The following GOLM2 variants were observed in gnomAD, a reference collection of about 807,000 sequenced individuals.
GOLM2 encodes protein GOLM2.
A neutral mutation model predicts 55.9 loss-of-function variants in GOLM2; 26 were observed. That is an observed-to-expected ratio of 0.47 (90% CI 0.34 to 0.65). The LOEUF (loss-of-function observed/expected upper bound fraction) is 0.65, where lower values mean the gene tolerates loss of function less well. GOLM2 is among the 30% of genes least tolerant of loss of function. The pLI is 0.01. For synonymous variants in GOLM2, 165 were observed against 194.6 expected (o/e 0.85, Z 1.27); for missense variants, 486 against 531.8 (o/e 0.91, Z 0.85).
At chr15:44,361,700 G>C (rs1333081305) in intron 6 of GOLM2, among the ~76,000 whole-genome samples, 1 of 152,078 alleles carries the variant, frequency 6.6e-6, no homozygotes, top group Non-Finnish European at 1.5e-5. Flanking sequence ...ATTTTATGAG[G>C]CCAGCATCAT....
At chr15:44,368,340 C>T (rs995112543) in intron 6 of GOLM2, among the ~76,000 whole-genome samples, 7 of 141,160 alleles carry the variant, frequency 5.0e-5, no homozygotes, top group African/African-American at 1.1e-4. Context: ...TTATTAGAGA[C>T]GGGGTTTCAC....
intron 2 of GOLM2, among the ~76,000 whole-genome samples, chr15:44,324,774 G>GC (rs2141132792): frequency 6.6e-6 from 1 of 151,222 alleles, no homozygotes; most frequent in East Asian, 1.9e-4. Context: ...TTTAAAGCTG[G>GC]CCCCAGGCAA....
intron 1 of GOLM2, among the ~76,000 whole-genome samples, chr15:44,297,467 G>A (rs1345989583): frequency 6.6e-6 from 1 of 151,728 alleles, no homozygotes; most frequent in African/African-American, 2.4e-5. Context: ...GCCTTTCTGT[G>A]TCATGTTAAT....
At chr15:44,303,519 A>T (rs1212197239) in intron 1 of GOLM2, among the ~76,000 whole-genome samples, 5 of 152,132 alleles carry the variant, frequency 3.3e-5, no homozygotes, top group African/African-American at 1.2e-4. Context: ...GATTAGCTTC[A>T]TGGGGATATA....
intron 8 of GOLM2, among the ~76,000 whole-genome samples, chr15:44,385,723 T>A (rs2079439831): frequency 6.6e-6 from 1 of 151,962 alleles, no homozygotes; most frequent in South Asian, 2.1e-4. Context: ...GTGTATGTAT[T>A]TATTTTTTAG....
At chr15:44,353,916 C>T (rs2079181059) in intron 6 of GOLM2, among the ~76,000 whole-genome samples, 1 of 152,084 alleles carries the variant, frequency 6.6e-6, no homozygotes. Context: ...TGTTTTTAAA[C>T]ACCTGAAAGA....
chr15:44,364,599 G>T (rs1325545436), intron 6 of GOLM2, among the ~76,000 whole-genome samples: 1 of 151,976 alleles, frequency 6.6e-6, no homozygotes, highest in African/African-American at 2.4e-5. Context: ...GAATGCTGAG[G>T]TGGTAGGATT....
intron 1 of GOLM2, among the ~76,000 whole-genome samples, chr15:44,300,202 G>C (rs1401567983): frequency 1.3e-5 from 2 of 149,534 alleles, no homozygotes; most frequent in Non-Finnish European, 3.0e-5. Flanking sequence ...GAGGGAAGGA[G>C]AGAAAGAGGA....
rs1165218990 is a variant in GOLM2 at position 44,326,571 on chromosome 15, C to CT, written c.383-2105dup. 5.9e-4 allele frequency among the ~76,000 whole-genome samples: 87 copies of CT among 148,106 alleles called. 1 individual carries two copies. Among genetic ancestry groups the CT allele is most frequent in the East Asian group, 3.0e-3 (15 of 5,070 alleles). The stretch of plus-strand genomic sequence containing the variant: ...CACTTTGATATATTTTTATTCTAGT[C>CT]TTTTTTTTTGCATGGATGCAATTAT... On this transcript the variant is annotated intron_variant, in intron 2 of 9. Transcript: ENST00000299957.
chr15:44,396,124 G>A (rs1311314387), intron 8 of GOLM2, among the ~76,000 whole-genome samples: 1 of 152,162 alleles, frequency 6.6e-6, no homozygotes, highest in African/African-American at 2.4e-5. Flanking sequence ...GGAGGCCGAG[G>A]TGGGCAGATC....
chr15:44,330,555 T>C (rs1319964761), intron 3 of GOLM2, among the ~76,000 whole-genome samples: 3 of 141,366 alleles, frequency 2.1e-5, no homozygotes, highest in Admixed American at 7.1e-5. Context: ...GCTATAAAAA[T>C]GTCTATGCAA....
intron 8 of GOLM2, among the ~76,000 whole-genome samples, chr15:44,392,353 A>G (rs1186921566): frequency 6.6e-6 from 1 of 151,960 alleles, no homozygotes; most frequent in African/African-American, 2.4e-5. Flanking sequence ...CCAGGCACGT[A>G]GCTCACGCCT....
At chr15:44,311,771 T>C (rs1005661467) in intron 1 of GOLM2, among the ~76,000 whole-genome samples, 2 of 152,060 alleles carry the variant, frequency 1.3e-5, no homozygotes, top group African/African-American at 2.4e-5. Flanking sequence ...TGCCTCAGCC[T>C]CCCAAGTAGC....
chr15:44,405,551 G>A (rs1289864824), intron 9 of GOLM2: 3 of 151,934 alleles, frequency 2.0e-5, no homozygotes, highest in Non-Finnish European at 4.4e-5. Context: ...TTTTAATTGA[G>A]ACAGAGTCTT....
chr15:44,411,176 C>T lies in GOLM2; in HGVS notation c.1241-2160C>T, dbSNP rs1002988382. ...AGCTGGGACTACAGGTACACACAACCATGCCTGGCTAAATTTTGTATTTTT... is the reference window on the plus strand; with the variant it reads ...AGCTGGGACTACAGGTACACACAACTATGCCTGGCTAAATTTTGTATTTTT... On this transcript the variant is annotated intron_variant, in intron 9 of 9. Coordinates refer to ENST00000299957, the MANE Select transcript of GOLM2 (RefSeq NM_138423.4). Among the ~76,000 whole-genome samples the T allele has an allele frequency of 4.6e-5, 7 of 151,764 alleles. No individual in the cohort carries two copies. In the East Asian group the frequency reaches 1.2e-3, roughly 25 times the overall value.
intron 3 of GOLM2, among the ~76,000 whole-genome samples, chr15:44,330,847 A>G (rs2079018484): frequency 6.6e-6 from 1 of 152,238 alleles, no homozygotes; most frequent in Non-Finnish European, 1.5e-5. Flanking sequence ...TACAGCATAG[A>G]TGAAAGGTTG....
intron 6 of GOLM2, among the ~76,000 whole-genome samples, chr15:44,361,878 G>C (rs1461060510): frequency 6.6e-6 from 1 of 151,890 alleles, no homozygotes; most frequent in Non-Finnish European, 1.5e-5. Context: ...GGGATGCAAG[G>C]CTGGTTCAAT....
intron 6 of GOLM2, among the ~76,000 whole-genome samples, chr15:44,369,056 A>G (rs2079305675): frequency 9.3e-6 from 1 of 107,768 alleles, no homozygotes; most frequent in African/African-American, 3.5e-5. Context: ...ATATACATAT[A>G]ATAGGATATA....
intron 6 of GOLM2, among the ~76,000 whole-genome samples, chr15:44,371,517 C>T (rs2079329310): frequency 1.3e-5 from 2 of 152,278 alleles, no homozygotes; most frequent in African/African-American, 4.8e-5. Context: ...CTGAGATAGT[C>T]CCACTAACCA....
Sources: gnomAD v4.1 joint callset for allele counts (sites outside exome capture counted in the v4.1 genomes callset) on GRCh38, gnomAD v4.1.1 for gene constraint, MANE v1.5 for transcripts, NCBI Gene and HGNC (gene_info 2026-07-23, HGNC 2026-07-21) for gene names.